The following TAAR1 variants were observed in gnomAD, a reference collection of about 807,000 sequenced individuals.
TAAR1 encodes trace amine associated receptor 1, also known as trace amine-associated receptor 1.
TAAR1 carries 1 observed loss-of-function variant against 1.2 expected under a neutral mutation model. That is an observed-to-expected ratio of 0.81 (90% confidence interval 0.29 to 3.86). The LOEUF (loss-of-function observed/expected upper bound fraction) is 3.86. TAAR1 is among the 30% of genes most tolerant of loss of function. The pLI, the probability that TAAR1 is intolerant of heterozygous loss-of-function variation, is 0.18. For synonymous variants in TAAR1, 153 were observed against 132.2 expected (o/e 1.16, Z -1.08); for missense variants, 445 against 405.6 (o/e 1.10, Z -0.83).
At chr6:132,656,609 G>C (rs554284805) in intron 1 of TAAR1, among the ~76,000 whole-genome samples, 2 of 152,072 alleles carry the variant, frequency 1.3e-5, no homozygotes, top group Non-Finnish European at 2.9e-5. Flanking sequence ...TCATTTCTGT[G>C]CCTCATAGAA....
chr6:132,650,161 A>G (rs964435000), intron 1 of TAAR1, among the ~76,000 whole-genome samples: 3 of 152,136 alleles, frequency 2.0e-5, no homozygotes, highest in African/African-American at 4.8e-5. Context: ...CTCCCAGCCC[A>G]TGTGCTTCCT....
chr6:132,644,955 G>T lies in TAAR1; in HGVS notation c.*29C>A. 6.7e-7 allele frequency: 1 copy of T among 1,483,686 alleles called. No individual in the cohort carries two copies. The highest frequency in any genetic ancestry group is 1.4e-5 in the South Asian group (1 of 70,458). The allele number at this position is 1,483,686 out of a possible 1,614,324, so 91.9% of individuals were successfully genotyped here. A position where few individuals can be genotyped will look rare whatever the true frequency, so the allele number is the denominator to read the frequency against. ...GTGTTCATAAATATGATCATCAACC[G>T]ATTTGCAAAACAGTAAAATATAATA... On this transcript the variant is annotated 3_prime_UTR_variant, in exon 2 of 2. Coordinates refer to ENST00000275216, the MANE Select transcript of TAAR1 (RefSeq NM_138327.4).
Position 132,645,918 on chromosome 6 carries a change from A to C in TAAR1, c.86T>G (p.Leu29Ter). 6.2e-7 allele frequency: 1 copy of C among 1,613,806 alleles called. No individual in the cohort carries two copies. Among genetic ancestry groups the C allele is most frequent in the Non-Finnish European group, 8.5e-7 (1 of 1,179,782 alleles). ...TGTGGTCAGAATTATGAGCACCATT[A>C]AACTGTACAGGGAAGCACGGACATC... ...SNDVRASLYSLMVLIILTTLV... is the reference protein window; with the variant it reads ...SNDVRASLYS The change falls in exon 2 of 2, where the codon TTA (leucine) becomes TGA (stop). Residue 29 changes from leucine to a stop codon, truncating the protein, a stop_gained. Coordinates refer to ENST00000275216, the MANE Select transcript of TAAR1 (RefSeq NM_138327.4). LOFTEE classifies it low-confidence loss of function (END_TRUNC).
chr6:132,655,073 A>G (rs1777789580), intron 1 of TAAR1, among the ~76,000 whole-genome samples: 1 of 152,322 alleles, frequency 6.6e-6, no homozygotes, highest in Admixed American at 6.5e-5. Context: ...AAAGTTCAGA[A>G]GCCATTTAAC....
chr6:132,645,459 C>A lies in TAAR1; in HGVS notation c.545G>T (p.Cys182Phe), dbSNP rs367888752. 2.2e-5 allele frequency: 36 copies of A among 1,613,750 alleles called. 1 individual carries two copies. The South Asian group carries it at 3.8e-4, about 17-fold the overall frequency. Reference sequence around the variant, plus strand: ...AGATATTTTGCTAAAGAAGACAGAGCAACCTCCTCTGCAGTGAACATGTTT... The same window carrying A: ...AGATATTTTGCTAAAGAAGACAGAGAAACCTCCTCTGCAGTGAACATGTTT... The part of the protein sequence containing the change: ...YYKHVHCRGG[C>F]SVFFSKISGV... Residue 182 changes from cysteine to phenylalanine, a missense_variant, in exon 2 of 2, where the codon TGC becomes TTC. By Grantham distance (205) the Cys-to-Phe change is radical. Transcript: ENST00000275216.
At chr6:132,647,776 T>C (rs1302951568) in intron 1 of TAAR1, among the ~76,000 whole-genome samples, 3 of 152,090 alleles carry the variant, frequency 2.0e-5, no homozygotes, top group African/African-American at 7.2e-5. Flanking sequence ...TCTATCACTT[T>C]GGTAGGAAAA....
In TAAR1 at chr6:132,646,053, C is replaced by A; in HGVS notation, c.-50G>T. 1.3e-6 allele frequency: 2 copies of A among 1,514,924 alleles called. No homozygotes were observed. The highest frequency in any genetic ancestry group is 8.9e-7 in the Non-Finnish European group (1 of 1,129,346). 93.8% of individuals were successfully genotyped at this position (1,514,924 alleles called of 1,614,324 possible). A position where few individuals can be genotyped will look rare whatever the true frequency, so the allele number is the denominator to read the frequency against. Reference sequence around the variant, plus strand: ...CTTTTCCCTTTGTGTGTTGATTTATCTTTTTCCCAAATCCATAATCAGGTT... The same window carrying A: ...CTTTTCCCTTTGTGTGTTGATTTATATTTTTCCCAAATCCATAATCAGGTT... On this transcript the variant is annotated 5_prime_UTR_variant, in exon 2 of 2. Coordinates refer to ENST00000275216, the MANE Select transcript of TAAR1 (RefSeq NM_138327.4).
At chr6:132,652,243 G>A (rs1342559591) in intron 1 of TAAR1, among the ~76,000 whole-genome samples, 1 of 151,224 alleles carries the variant, frequency 6.6e-6, no homozygotes, top group East Asian at 2.0e-4. Flanking sequence ...AAAAAGAAGT[G>A]ATTGAGATAT....
At chr6:132,655,483 G>T (rs1472566299) in intron 1 of TAAR1, among the ~76,000 whole-genome samples, 1 of 148,538 alleles carries the variant, frequency 6.7e-6, no homozygotes, top group Non-Finnish European at 1.5e-5. Context: ...GGGCTCAAAA[G>T]ATCCTCCTGC....
chr6:132,647,677 A>G (rs569983623), intron 1 of TAAR1, among the ~76,000 whole-genome samples: 1 of 148,982 alleles, frequency 6.7e-6, no homozygotes, highest in African/African-American at 2.5e-5. Context: ...AGAAAGAAAG[A>G]AAGAAGAAAG....
chr6:132,658,591 A>AT (rs1261778791), intron 1 of TAAR1, among the ~76,000 whole-genome samples: 1 of 152,072 alleles, frequency 6.6e-6, no homozygotes, highest in East Asian at 1.9e-4. Context: ...ATGTACTGGG[A>AT]TTTTTCCTAC....
At chr6:132,654,088 A>G (rs1777776111) in intron 1 of TAAR1, among the ~76,000 whole-genome samples, 1 of 152,228 alleles carries the variant, frequency 6.6e-6, no homozygotes, top group South Asian at 2.1e-4. Context: ...CTGGGATTGG[A>G]AACATGTTGA....
chr6:132,646,884 T>C (rs1463246113), intron 1 of TAAR1, among the ~76,000 whole-genome samples: 1 of 152,178 alleles, frequency 6.6e-6, no homozygotes, highest in African/African-American at 2.4e-5. Context: ...CCAGTCTTTC[T>C]CTCTATTGCA....
In TAAR1 at chr6:132,647,211, G is replaced by C. The variant is rs904974483; in HGVS notation, c.-126-1082C>G. Among the ~76,000 whole-genome samples, 6 of 151,880 alleles carry C rather than the reference G, an allele frequency of 4.0e-5. No homozygotes were observed. The South Asian group carries it at 1.0e-3, about 26-fold the overall frequency. On this transcript the variant is annotated intron_variant, in intron 1 of 1. Transcript: ENST00000275216. Reference sequence around the variant, plus strand: ...AGGTAAAAAAAATTATTATGAGTAGGCATCTTCTACTAGGCCTCCTCTTCT... The same window carrying C: ...AGGTAAAAAAAATTATTATGAGTAGCCATCTTCTACTAGGCCTCCTCTTCT...
chr6:132,655,787 G>A (rs1250462964), intron 1 of TAAR1, among the ~76,000 whole-genome samples: 2 of 152,200 alleles, frequency 1.3e-5, no homozygotes, highest in Admixed American at 1.3e-4. Context: ...TGGTGCTTTG[G>A]AGCACAGCAA....
rs144751823 is a variant in TAAR1, at chr6:132,655,526, T to C, written c.-127+3604A>G. Among the ~76,000 whole-genome samples, 1,412 of 152,128 alleles carry C rather than the reference T, an allele frequency of 9.3e-3. 26 individuals are homozygous for C. Among genetic ancestry groups the C allele is most frequent in the African/African-American group, 0.031 (1,270 of 41,480 alleles). On this transcript the variant is annotated intron_variant, in intron 1 of 1. Transcript: ENST00000275216. ...CCCTAAATAGATGGAACCACAGATA[T>C]GTACCATCAGGAGGTATTTCAAGTT... is the stretch of plus-strand genomic sequence containing the variant.
rs1486955577 is a variant in TAAR1 at position 132,645,404 on chromosome 6, A to G, written c.600T>C (p.Tyr200=). 6.2e-7 allele frequency: 1 copy of G among 1,613,700 alleles called. No homozygotes were observed. The highest frequency in any genetic ancestry group is 8.5e-7 in the Non-Finnish European group (1 of 1,179,772). ...CACATAACATAATAGATCCAGGTAT[A>G]TAAAAAGAAGTCATAAAGGTCAGTA... The part of the protein sequence containing the change: ...SGVLTFMTSF[Y]IPGSIMLCVY... Residue 200 remains tyrosine (Y), a synonymous_variant, in exon 2 of 2, where the codon TAT becomes TAC. Coordinates refer to ENST00000275216, the MANE Select transcript of TAAR1 (RefSeq NM_138327.4).
chr6:132,645,722 G>A lies in TAAR1; in HGVS notation c.282C>T (p.Val94=). Residue 94 remains valine, a synonymous_variant, in exon 2 of 2, where the codon GTC becomes GTT. Coordinates refer to ENST00000275216, the MANE Select transcript of TAAR1 (RefSeq NM_138327.4). The part of the protein sequence containing the change: ...SAEHCWYFGE[V]FCKIHTSTDI... The stretch of plus-strand genomic sequence containing the variant: ...CGGTGCTTGTGTGAATTTTACAGAA[G>A]ACTTCTCCAAAATACCAACAGTGCT... 6.2e-7 allele frequency: 1 copy of A among 1,613,646 alleles called. No individual in the cohort carries two copies.
chr6:132,648,251 A>G (rs1243489114), intron 1 of TAAR1, among the ~76,000 whole-genome samples: 5 of 152,154 alleles, frequency 3.3e-5, no homozygotes, highest in Non-Finnish European at 5.9e-5. Flanking sequence ...TTGACTTACT[A>G]AAGGAACCAC....
Sources: allele counts gnomAD v4.1 joint callset (sites outside exome capture counted in the v4.1 genomes callset), GRCh38; gene constraint gnomAD v4.1.1; transcripts MANE v1.5; gene names NCBI Gene and HGNC (gene_info 2026-07-23, HGNC 2026-07-21).